The following VMP1 variants were observed in gnomAD, a reference collection of about 807,000 sequenced individuals.
VMP1 encodes the protein vacuole membrane protein 1.
A neutral mutation model predicts 56.0 loss-of-function variants in VMP1; 11 were observed. The observed-to-expected ratio is 0.20, with a 90% CI of 0.12 to 0.32. The LOEUF is 0.32. Among genes scored for constraint, VMP1 ranks in the 10% least tolerant of loss-of-function variants. The pLI is 1.00. For synonymous variants in VMP1, 149 were observed against 165.0 expected, an observed-to-expected ratio of 0.90 and a Z score of 0.74; for missense variants, 296 against 490.3, an observed-to-expected ratio of 0.60 and a Z score of 3.74.
chr17:59,833,343 C>T (rs888616201), intron 10 of VMP1, among the ~76,000 whole-genome samples: 1 of 151,976 alleles, frequency 6.6e-6, no homozygotes, highest in African/African-American at 2.4e-5. Context: ...GCTGAGGCAT[C>T]AGTAGCCTAA....
chr17:59,724,751 G>A (rs539461784), intron 1 of VMP1, among the ~76,000 whole-genome samples: 11 of 152,240 alleles, frequency 7.2e-5, no homozygotes, highest in Non-Finnish European at 1.0e-4. Flanking sequence ...TGATCACGAG[G>A]TCAGGAGATG....
chr17:59,753,714 A>G (rs2035738479), intron 5 of VMP1, among the ~76,000 whole-genome samples: 2 of 152,218 alleles, frequency 1.3e-5, no homozygotes, highest in Admixed American at 1.3e-4. Context: ...AGAACTGTAA[A>G]GAGAAGAAAA....
At chr17:59,817,627 C>A in intron 9 of VMP1, 85 bp from the exon 10 acceptor site, 1 of 950,600 alleles carries the variant, frequency 1.1e-6, no homozygotes, top group Non-Finnish European at 1.6e-6. Context: ...ACAATCTTAC[C>A]TCTTTAGACT....
chr17:59,840,102 C>T lies in VMP1; in HGVS notation c.*191C>T. The T allele has an allele frequency of 1.6e-6, 1 of 613,856 alleles. No individual in the cohort carries two copies. Among genetic ancestry groups the T allele is most frequent in the Non-Finnish European group, 2.7e-6 (1 of 374,580 alleles). The allele number at this position is 613,856 out of a possible 1,614,324, so 38.0% of individuals were successfully genotyped here. On this transcript the variant is annotated 3_prime_UTR_variant, in exon 12 of 12. Transcript: ENST00000262291. ...TTCTGTGCTAAGGTAAGGTATCCACCCTCGATGCAATCCACCTTGTGTTTT... is the reference window on the plus strand; with the variant it reads ...TTCTGTGCTAAGGTAAGGTATCCACTCTCGATGCAATCCACCTTGTGTTTT...
chr17:59,749,351 A>G (rs1196900696), intron 5 of VMP1, among the ~76,000 whole-genome samples: 1 of 152,032 alleles, frequency 6.6e-6, no homozygotes, highest in East Asian at 1.9e-4. Flanking sequence ...TAAGACCAAG[A>G]TCTAAGTTAT....
At chr17:59,727,891 C>T (rs2034671284) in intron 1 of VMP1, among the ~76,000 whole-genome samples, 1 of 152,124 alleles carries the variant, frequency 6.6e-6, no homozygotes, top group Admixed American at 6.6e-5. Context: ...CAATGAAGGA[C>T]TAAAGAAAAT....
rs1000314759 is a variant in VMP1, at chr17:59,817,632, T to A, written c.913-80T>A. The A allele has an allele frequency of 1.5e-5, 16 of 1,042,848 alleles. No individual in the cohort carries two copies. In the Middle Eastern group the frequency reaches 7.7e-4, roughly 50 times the overall value. 64.6% of individuals were successfully genotyped at this position (1,042,848 alleles called of 1,614,324 possible). ...AATTAGGGGCACAATCTTACCTCTT[T>A]AGACTATTACCAGAATTGTGAATTT... is the stretch of plus-strand genomic sequence containing the variant. On this transcript the variant is annotated intron_variant, in intron 9 of 11. Coordinates refer to ENST00000262291, the MANE Select transcript of VMP1 (RefSeq NM_030938.5).
intron 10 of VMP1, among the ~76,000 whole-genome samples, chr17:59,829,592 A>G (rs2038748853): frequency 6.6e-6 from 1 of 152,196 alleles, no homozygotes; most frequent in African/African-American, 2.4e-5. Flanking sequence ...GCCTGTTTAG[A>G]TCACTGCCTA....
intron 5 of VMP1, among the ~76,000 whole-genome samples, chr17:59,750,467 A>AC (rs1568075682): frequency 5.9e-5 from 9 of 151,952 alleles, no homozygotes; most frequent in Admixed American, 3.9e-4. Flanking sequence ...ACACCCGGCT[A>AC]ATTTTTGTAT....
At chr17:59,816,613 G>A (rs1253495388) in intron 9 of VMP1, among the ~76,000 whole-genome samples, 4 of 152,010 alleles carry the variant, frequency 2.6e-5, no homozygotes, top group Admixed American at 6.6e-5. Context: ...AGACCATCCT[G>A]GCTAACACAG....
intron 10 of VMP1, among the ~76,000 whole-genome samples, chr17:59,818,059 T>G (rs1055913733): frequency 2.6e-5 from 4 of 152,128 alleles, no homozygotes; most frequent in African/African-American, 4.8e-5. Context: ...ACCAAAGAAA[T>G]AAGAAATTGT....
chr17:59,749,699 C>T (rs1003936412), intron 5 of VMP1, among the ~76,000 whole-genome samples: 1 of 151,850 alleles, frequency 6.6e-6, no homozygotes, highest in Non-Finnish European at 1.5e-5. Context: ...TTAGTAGAGA[C>T]GGGGTTTCAC....
At chr17:59,802,381 A>G (rs971922910) in intron 7 of VMP1, among the ~76,000 whole-genome samples, 1 of 151,600 alleles carries the variant, frequency 6.6e-6, no homozygotes, top group Non-Finnish European at 1.5e-5. Flanking sequence ...CTAGGTTTGT[A>G]TAAATACACT....
chr17:59,765,866 G>C (rs117742617), intron 6 of VMP1, among the ~76,000 whole-genome samples: 2 of 151,578 alleles, frequency 1.3e-5, no homozygotes, highest in Non-Finnish European at 2.9e-5. Context: ...TATAAAATTT[G>C]TTCTAGTATT....
At chr17:59,801,172 G>T (rs901751018) in intron 7 of VMP1, among the ~76,000 whole-genome samples, 4 of 143,000 alleles carry the variant, frequency 2.8e-5, no homozygotes, top group Non-Finnish European at 4.5e-5. Flanking sequence ...GTTATATATA[G>T]TACATAATAC....
intron 8 of VMP1, among the ~76,000 whole-genome samples, chr17:59,810,281 G>T (rs1371983276): frequency 6.6e-6 from 1 of 152,064 alleles, no homozygotes; most frequent in East Asian, 1.9e-4. Flanking sequence ...AGGCTACCCA[G>T]TAGCTGGGAT....
chr17:59,786,752 A>G (rs1183166590), intron 7 of VMP1, among the ~76,000 whole-genome samples: 1 of 152,198 alleles, frequency 6.6e-6, no homozygotes, highest in Admixed American at 6.5e-5. Flanking sequence ...GAGGGTTTGC[A>G]TTAAGCTTTG....
chr17:59,728,318 T>C (rs75510080), intron 1 of VMP1, among the ~76,000 whole-genome samples: 1 of 152,300 alleles, frequency 6.6e-6, no homozygotes, highest in East Asian at 1.9e-4. Context: ...CTAGCATGAC[T>C]CTTGGCACAT....
At chr17:59,778,284 T>A (rs1306063983) in intron 7 of VMP1, among the ~76,000 whole-genome samples, 2 of 152,118 alleles carry the variant, frequency 1.3e-5, no homozygotes, top group East Asian at 3.9e-4. Context: ...GCTCAGCCTG[T>A]AATCCCAGCA....
Sources: allele counts gnomAD v4.1 joint callset (sites outside exome capture counted in the v4.1 genomes callset), GRCh38; gene constraint gnomAD v4.1.1; transcripts MANE v1.5; gene names NCBI Gene and HGNC (gene_info 2026-07-23, HGNC 2026-07-21).